CAD: variants seen among roughly 807,000 people sequenced by gnomAD.
The protein encoded by CAD is carbamoyl-phosphate synthetase 2, aspartate transcarbamylase, and dihydroorotase.
In CAD, 81 loss-of-function variants were observed where a neutral mutation model predicts 237.2. The ratio of observed to expected loss-of-function variants is 0.34; its 90% confidence interval spans 0.29 to 0.41. CAD has a LOEUF of 0.41. CAD is among the 10% of genes least tolerant of loss of function. CAD has a pLI of 1.00. For missense variants in CAD, 2,181 were observed against 2,951.7 expected (o/e 0.74, Z 6.05); for synonymous variants, 1,196 against 1,162.8 (o/e 1.03, Z -0.58).
chr2:27,240,238 A>C lies in CAD; in HGVS notation c.5497-27A>C. On this transcript the variant is annotated intron_variant, in intron 34 of 43. Transcript: ENST00000264705. This position sits in a 1 kb window ranked among gnomAD's most constrained non-coding sequence, Gnocchi z 4.6. ...CGTCTCAAAAGAAAAAAAAAAAAAC[A>C]ACTCTGGGCCAACGTTATCCCTCCA... 1 of 1,545,460 alleles carries C rather than the reference A, an allele frequency of 6.5e-7. No individual in the cohort carries two copies. The highest frequency in any genetic ancestry group is 2.2e-5 in the East Asian group (1 of 44,524).
rs1190899621 is a variant in CAD at position 27,226,915 on chromosome 2, A to G, written c.2240A>G (p.Lys747Arg). ...VVKIPRWDLS[K>R]FLRVSTKIGS... ...AAGATTCCTCGATGGGACCTTAGCAAGTTCCTGCGAGTCAGCACAAAGATT... is the reference window on the plus strand; with the variant it reads ...AAGATTCCTCGATGGGACCTTAGCAGGTTCCTGCGAGTCAGCACAAAGATT... The change falls in exon 15 of 44, where the codon AAG (lysine) becomes AGG (arginine). Residue 747 changes from lysine (K) to arginine (R), a missense_variant. This residue lies in a region of CAD where 385 missense variants were observed against 535.1 expected (regional missense o/e 0.72). Transcript: ENST00000264705. The G allele has an allele frequency of 5.0e-6, 8 of 1,613,998 alleles. No homozygotes were observed. Among genetic ancestry groups the G allele is most frequent in the Non-Finnish European group, 6.8e-6 (8 of 1,180,000 alleles).
In CAD at chr2:27,232,109, A is replaced by G. The variant is rs1274421035; in HGVS notation, c.2530A>G (p.Ile844Val). The G allele has an allele frequency of 4.3e-6, 7 of 1,614,246 alleles. No homozygotes were observed. The highest frequency in any genetic ancestry group is 5.9e-6 in the Non-Finnish European group (7 of 1,180,044). ...GTTCCTGCACCGAATGAAGCGTATC[A>G]TCGCACATGCCCAGCTGCTAGAACA... is the stretch of plus-strand genomic sequence containing the variant. ...RWFLHRMKRI[I>V]AHAQLLEQHR... is the part of the protein sequence containing the mutation. The change falls in exon 17 of 44, where the codon ATC becomes GTC. Residue 844 changes from isoleucine to valine, a missense_variant. Physicochemically the swap from Ile to Val is conservative, Grantham distance 29. Around this residue, in one of 12 missense-constraint regions of CAD, gnomAD observed 385 missense variants for 535.1 expected, o/e 0.72. Coordinates refer to ENST00000264705, the MANE Select transcript of CAD (RefSeq NM_004341.5). The surrounding 1 kb of genome is among the most constrained non-coding windows in gnomAD (Gnocchi z 4.1).
At position 27,232,386 on chromosome 2, in the gene CAD, A is replaced by T; in HGVS notation, c.2646-62A>T. ...CTCTCATCTGTGCCCTGGGGTCTCA[A>T]CCCTCTATCAGTCTGTACCCTACTC... On this transcript the variant is annotated intron_variant, in intron 17 of 43. Coordinates refer to ENST00000264705, the MANE Select transcript of CAD (RefSeq NM_004341.5). This position sits in a 1 kb window ranked among gnomAD's most constrained non-coding sequence, Gnocchi z 4.1. The T allele has an allele frequency of 1.2e-6, 2 of 1,602,876 alleles. No individual in the cohort carries two copies. The highest frequency in any genetic ancestry group is 2.2e-5 in the South Asian group (2 of 89,316).
intron 2 of CAD, 77 bp downstream of exon 2, chr2:27,218,093 G>GAC (rs1264885479): frequency 2.6e-5 from 34 of 1,331,370 alleles, no homozygotes; most frequent in Non-Finnish European, 3.1e-5. Context: ...AGGAGACGTT[G>GAC]ACACCCTGCT....
intron 15 of CAD, among the ~76,000 whole-genome samples, chr2:27,229,915 GTAGT>G (rs1481392500): frequency 6.7e-6 from 1 of 150,340 alleles, no homozygotes; most frequent in Non-Finnish European, 1.5e-5. Flanking sequence ...CCTTCAGTTA[GTAGT>G]TAAATTATGG....
rs577511949 is a variant in CAD, at chr2:27,242,670, C to T, written c.6273C>T (p.Ala2091=). ...LKHGRTVHSL[A]CLLTQYRVSL... The stretch of plus-strand genomic sequence containing the variant: ...ACGGACGCACAGTACATTCCCTGGC[C>T]TGCCTGCTCACCCAGTATCGTGTCA... Residue 2091 remains alanine (A), a synonymous_variant, in exon 41 of 44, where the codon GCC becomes GCT. Coordinates refer to ENST00000264705, the MANE Select transcript of CAD (RefSeq NM_004341.5). This position sits in a 1 kb window ranked among gnomAD's most constrained non-coding sequence, Gnocchi z 6.4. The T allele has an allele frequency of 6.2e-7, 1 of 1,613,406 alleles. No individual in the cohort carries two copies. Among genetic ancestry groups the T allele is most frequent in the African/African-American group, 1.3e-5 (1 of 74,946 alleles).
Position 27,240,358 on chromosome 2 carries a change from C to T in CAD, c.5590C>T (p.Pro1864Ser), listed in dbSNP as rs1394529436. 6.2e-7 allele frequency: 1 copy of T among 1,613,960 alleles called. No homozygotes were observed. Among genetic ancestry groups the T allele is most frequent in the Non-Finnish European group, 8.5e-7 (1 of 1,179,820 alleles). The change falls in exon 35 of 44, where the codon CCA becomes TCA. Residue 1864 changes from proline (P) to serine (S), a missense_variant. Coordinates refer to ENST00000264705, the MANE Select transcript of CAD (RefSeq NM_004341.5). This position sits in a 1 kb window ranked among gnomAD's most constrained non-coding sequence, Gnocchi z 4.6. The stretch of plus-strand genomic sequence containing the variant: ...CCATCGAGCCTCCGACCCAGGTTTG[C>T]CAGGTAAGAGTGGGGTTCCTGTGAC... ...RIHRASDPGL[P>S]AEEPKEKSSR...
intron 15 of CAD, among the ~76,000 whole-genome samples, chr2:27,229,188 G>T (rs1675601692): frequency 6.6e-6 from 1 of 152,078 alleles, no homozygotes; most frequent in African/African-American, 2.4e-5. Context: ...AAAGTGCTGG[G>T]ATTACAGGCA....
Position 27,232,526 on chromosome 2 carries a change from TG to T in CAD, c.2725del (p.Glu909SerfsTer11). On this transcript the variant is annotated frameshift_variant, in exon 18 of 44. Transcript: ENST00000264705. LOFTEE classifies it high-confidence loss of function. The surrounding 1 kb of genome is among the most constrained non-coding windows in gnomAD (Gnocchi z 4.1). ...TGAAACAGATTGACACAGTTGCAGC[TG>T]AGTGGCCAGCCCAGACAAATTACCT... is the stretch of plus-strand genomic sequence containing the variant. ...AVKQIDTVAA[E>X]WPAQTNYLYL... 1 of 1,614,214 alleles carries T rather than the reference TG, an allele frequency of 6.2e-7. No homozygotes were observed. The highest frequency in any genetic ancestry group is 8.5e-7 in the Non-Finnish European group (1 of 1,180,042).
chr2:27,222,576 C>G lies in CAD; in HGVS notation c.553C>G (p.Leu185Val). Reference sequence around the variant, plus strand: ...TCGGATCCTTGCTTTGGACTGTGGCCTCAAGTATAATCAGATCCGATGCCT... The same window carrying G: ...TCGGATCCTTGCTTTGGACTGTGGCGTCAAGTATAATCAGATCCGATGCCT... ...APRILALDCGLKYNQIRCLCQ... is the reference protein window; with the variant it reads ...APRILALDCGVKYNQIRCLCQ... Residue 185 changes from leucine (L) to valine (V), a missense_variant, in exon 5 of 44, where the codon CTC (leucine) becomes GTC (valine). This residue lies in a region of CAD where 314 missense variants were observed against 339.4 expected (regional missense o/e 0.93). Transcript: ENST00000264705. 4 of 1,614,090 alleles carry G rather than the reference C, an allele frequency of 2.5e-6. No individual in the cohort carries two copies. Among genetic ancestry groups the G allele is most frequent in the Non-Finnish European group, 3.4e-6 (4 of 1,179,996 alleles).
rs188915572 is a variant in CAD, at chr2:27,226,994, G to A, written c.2287+32G>A. 1.3e-4 allele frequency: 211 copies of A among 1,608,070 alleles called. No homozygotes were observed. In the East Asian group the frequency reaches 4.4e-3, roughly 34 times the overall value. On this transcript the variant is annotated intron_variant, in intron 15 of 43. Transcript: ENST00000264705. Reference sequence around the variant, plus strand: ...CTCATGCCCTGGGCACCCCCATGGGGCCCCACCATGACCAAGAATCTTAAA... The same window carrying A: ...CTCATGCCCTGGGCACCCCCATGGGACCCCACCATGACCAAGAATCTTAAA...
chr2:27,241,431 T>C lies in CAD; in HGVS notation c.5883+35T>C. ...AGGGCCGGGGGTAGGGTCCAGGCCATCGCCTGCCCTTGGGCCGCATCAGCG... is the reference window on the plus strand; with the variant it reads ...AGGGCCGGGGGTAGGGTCCAGGCCACCGCCTGCCCTTGGGCCGCATCAGCG... On this transcript the variant is annotated intron_variant, in intron 38 of 43. Transcript: ENST00000264705. This position sits in a 1 kb window ranked among gnomAD's most constrained non-coding sequence, Gnocchi z 4.6. 6.2e-7 allele frequency: 1 copy of C among 1,607,050 alleles called. No individual in the cohort carries two copies. Among genetic ancestry groups the C allele is most frequent in the South Asian group, 1.1e-5 (1 of 90,944 alleles).
chr2:27,222,216 C>T lies in CAD; in HGVS notation c.375C>T (p.Thr125=). 4 of 1,613,848 alleles carry T rather than the reference C, an allele frequency of 2.5e-6. No individual in the cohort carries two copies. The highest frequency in any genetic ancestry group is 2.5e-6 in the Non-Finnish European group (3 of 1,179,914). ...GLQGVDTREL[T]KKLREQGSLL... is the part of the protein sequence containing the mutation. ...CAGGAGTAGACACTCGGGAGCTGAC[C>T]AAGAAGTTGCGGGAACAGGGGTCTC... is the stretch of plus-strand genomic sequence containing the variant. Residue 125 remains threonine (T), a synonymous_variant, in exon 4 of 44, where the codon ACC becomes ACT. Coordinates refer to ENST00000264705, the MANE Select transcript of CAD (RefSeq NM_004341.5).
chr2:27,219,582 AT>A (rs967828026), intron 2 of CAD, among the ~76,000 whole-genome samples: 33 of 150,914 alleles, frequency 2.2e-4, no homozygotes, highest in Non-Finnish European at 3.1e-4. Context: ...TTTTTATTTA[AT>A]TTTTTTTTAT....
At chr2:27,226,455 T>C in intron 13 of CAD, 70 bp from the exon 14 acceptor site, 2 of 1,582,468 alleles carry the variant, frequency 1.3e-6, no homozygotes, top group East Asian at 4.5e-5. Context: ...TAGGTTACTT[T>C]TCTCTCCTTT....
intron 15 of CAD, among the ~76,000 whole-genome samples, chr2:27,229,870 G>A (rs1572435188): frequency 1.6e-5 from 2 of 127,962 alleles, no homozygotes; most frequent in African/African-American, 3.1e-5. Flanking sequence ...GTGAGACTAC[G>A]TCTCAGAAAA....
chr2:27,243,081 C>T (rs1000559208), intron 42 of CAD, 108 bp downstream of exon 42: 3 of 1,324,116 alleles, frequency 2.3e-6, no homozygotes, highest in Non-Finnish European at 3.2e-6. Context: ...AACTTCACAT[C>T]TGTCAATTGC....
chr2:27,232,420 T>G lies in CAD; in HGVS notation c.2646-28T>G. ...CAGTCTGTACCCTACTCTCTGGGCC[T>G]GTGTTTCAGACCCTTTTTCTATTTT... On this transcript the variant is annotated intron_variant, in intron 17 of 43. Transcript: ENST00000264705. The surrounding 1 kb of genome is among the most constrained non-coding windows in gnomAD (Gnocchi z 4.1). 1 of 1,613,628 alleles carries G rather than the reference T, an allele frequency of 6.2e-7. No homozygotes were observed. Among genetic ancestry groups the G allele is most frequent in the Non-Finnish European group, 8.5e-7 (1 of 1,179,852 alleles).
chr2:27,238,320 C>T, intron 30 of CAD, 111 bp from the exon 31 acceptor site: 5 of 1,456,340 alleles, frequency 3.4e-6, no homozygotes, highest in Non-Finnish European at 4.7e-6. Context: ...GAGCCAGCAC[C>T]CTTGCAGGTC....
Sources: gnomAD v4.1 joint callset for allele counts (sites outside exome capture counted in the v4.1 genomes callset) on GRCh38, gnomAD v4.1.1 for gene constraint, gnomAD v4.1.1 regional missense constraint, Gnocchi (gnomAD v3.1) non-coding constraint, MANE v1.5 for transcripts, NCBI Gene and HGNC (gene_info 2026-07-23, HGNC 2026-07-21) for gene names.